PAK3: variants seen among roughly 807,000 people sequenced by gnomAD.
PAK3 encodes the protein serine/threonine-protein kinase PAK 3.
PAK3 carries 4 observed loss-of-function variants against 41.0 expected under a neutral mutation model. The observed-to-expected ratio is 0.10, with a 90% CI of 0.05 to 0.22. The LOEUF (loss-of-function observed/expected upper bound fraction) is 0.22, where lower values mean the gene tolerates loss of function less well. Ranked by LOEUF, PAK3 falls within the 10% of genes least tolerant of loss-of-function variation. The pLI is 1.00. For missense variants in PAK3, 205 were observed against 409.9 expected (o/e 0.50, Z 4.32); for synonymous variants, 146 against 139.6 (o/e 1.05, Z -0.32).
intron 1 of PAK3, among the ~76,000 whole-genome samples, chrX:110,969,510 A>G (rs1337188402): frequency 1.1e-5 from 1 of 93,183 alleles, no homozygotes; most frequent in African/African-American, 4.2e-5. Context: ...CATGTTGGCC[A>G]GGCTGGTCTC....
intron 16 of PAK3, among the ~76,000 whole-genome samples, chrX:111,206,718 C>T (rs1333584988): frequency 8.9e-6 from 1 of 112,182 alleles, no homozygotes; most frequent in Non-Finnish European, 1.9e-5. Flanking sequence ...ATTCAGCTAT[C>T]ACACTGAAGT....
chrX:111,143,151 A>G (rs1294583498), intron 6 of PAK3, among the ~76,000 whole-genome samples: 2 of 111,107 alleles, frequency 1.8e-5, no homozygotes, highest in East Asian at 5.6e-4. Context: ...AATCTTTGAT[A>G]GAGCCATCAC....
chrX:110,964,468 G>A (rs1327810311), intron 1 of PAK3, among the ~76,000 whole-genome samples: 1 of 112,156 alleles, frequency 8.9e-6, no homozygotes, highest in Non-Finnish European at 1.9e-5. Flanking sequence ...CACACTTTGA[G>A]TAGCAAGAGA....
intron 16 of PAK3, among the ~76,000 whole-genome samples, chrX:111,197,092 A>C: frequency 9.1e-6 from 1 of 110,035 alleles, no homozygotes; most frequent in Middle Eastern, 4.6e-3. Context: ...CTCCACTCTC[A>C]AGTAGGCCCC....
At chrX:111,002,138 A>G (rs2091858190) in intron 1 of PAK3, among the ~76,000 whole-genome samples, 3 of 111,786 alleles carry the variant, frequency 2.7e-5, no homozygotes, top group Middle Eastern at 9.2e-3. Context: ...TTTAGAAAGG[A>G]CAGCTACCAT....
At chrX:111,007,571 C>T (rs2091951354) in intron 1 of PAK3, among the ~76,000 whole-genome samples, 1 of 111,314 alleles carries the variant, frequency 9.0e-6, no homozygotes, top group Admixed American at 9.5e-5. Flanking sequence ...GGAGGATTCC[C>T]ATTTCATGCT....
chrX:111,124,439 C>G lies in PAK3; in HGVS notation c.175+1161C>G, dbSNP rs372226633. On this transcript the variant is annotated intron_variant, in intron 5 of 17. Transcript: ENST00000372007. Reference sequence around the variant, plus strand: ...GATGGTTTGAGGAATTTAGGGTGTACCATAATGTGGAGACCAGGTCTTATT... The same window carrying G: ...GATGGTTTGAGGAATTTAGGGTGTAGCATAATGTGGAGACCAGGTCTTATT... Among the ~76,000 whole-genome samples the G allele has an allele frequency of 1.2e-4, 13 of 111,352 alleles. No individual in the cohort carries two copies. The East Asian group carries it at 3.7e-3, about 32-fold the overall frequency.
chrX:111,017,066 A>ATG (rs113885440), intron 1 of PAK3, among the ~76,000 whole-genome samples: 1 of 110,866 alleles, frequency 9.0e-6, no homozygotes, highest in African/African-American at 3.3e-5. Context: ...AATTTATGGA[A>ATG]CACGGTGAAA....
intron 1 of PAK3, among the ~76,000 whole-genome samples, chrX:111,049,320 T>A (rs898950654): frequency 8.9e-6 from 1 of 112,377 alleles, no homozygotes; most frequent in Admixed American, 9.4e-5. Context: ...ATCTTATTTA[T>A]GTGTTTATTA....
chrX:111,112,832 A>G (rs993729150), intron 4 of PAK3, among the ~76,000 whole-genome samples: 5 of 111,377 alleles, frequency 4.5e-5, no homozygotes, highest in Admixed American at 3.8e-4. Context: ...TAGTTCTTAA[A>G]TGTAACATCG....
chrX:111,035,152 AAAGG>A (rs2092385725), intron 1 of PAK3, among the ~76,000 whole-genome samples: 5 of 27,270 alleles, frequency 1.8e-4, no homozygotes, highest in Middle Eastern at 0.042. Flanking sequence ...AGAAAGAAAG[AAAGG>A]AAGAAAGAAA....
At chrX:111,196,006 T>G (rs2094609848) in intron 15 of PAK3, 65 bp downstream of exon 15, 1 of 667,463 alleles carries the variant, frequency 1.5e-6, no homozygotes, top group African/African-American at 2.1e-5. Context: ...TTGTATATCT[T>G]AAGAAGATAA....
chrX:111,070,700 A>G lies in PAK3; in HGVS notation c.-27-52377A>G, dbSNP rs748748009. Among the ~76,000 whole-genome samples the G allele has an allele frequency of 6.2e-5, 7 of 112,176 alleles. No individual in the cohort carries two copies. The South Asian group carries it at 2.6e-3, about 42-fold the overall frequency. On this transcript the variant is annotated intron_variant, in intron 1 of 14. Coordinates refer to the PAK3 transcript ENST00000425146. ...AGTTCCCTTCTTTCAGCTGAGAACG[A>G]TATTTCTTTAATCTCCATTTTATAG...
chrX:111,086,976 CGT>C (rs775736884), intron 1 of PAK3, among the ~76,000 whole-genome samples: 6 of 111,081 alleles, frequency 5.4e-5, no homozygotes, highest in Non-Finnish European at 9.4e-5. Flanking sequence ...GCTTTAAAAA[CGT>C]GTGTTAGCGT....
In PAK3 at chrX:111,176,808, A is replaced by T. The variant is rs191276460; in HGVS notation, c.830+3727A>T. ...CAAATTGTCATAATATAAAATCAAG[A>T]TGTATTTAAGATATAATCTGCCGGC... On this transcript the variant is annotated intron_variant, in intron 11 of 17. Transcript: ENST00000372007. 1.2e-4 allele frequency among the ~76,000 whole-genome samples: 13 copies of T among 111,697 alleles called. No individual in the cohort carries two copies. In the East Asian group the frequency reaches 3.7e-3, roughly 32 times the overall value.
At chrX:110,989,951 C>T (rs2091613488) in intron 1 of PAK3, among the ~76,000 whole-genome samples, 1 of 112,392 alleles carries the variant, frequency 8.9e-6, no homozygotes, top group African/African-American at 3.2e-5. Flanking sequence ...CCTGCCTTCC[C>T]AATCTCAACT....
intron 5 of PAK3, among the ~76,000 whole-genome samples, chrX:111,127,495 T>C (rs2093663483): frequency 9.0e-6 from 1 of 111,474 alleles, no homozygotes; most frequent in Admixed American, 9.5e-5. Context: ...ATTTATTTTG[T>C]TAGTGACTGT....
chrX:111,211,274 CTT>C (rs2094816216), intron 16 of PAK3, among the ~76,000 whole-genome samples: 1 of 111,075 alleles, frequency 9.0e-6, no homozygotes, highest in East Asian at 2.8e-4. Context: ...CCTAAGGAAT[CTT>C]TACTATGTCC....
chrX:111,006,812 CCTTTCTTTCTTTCTTTCTTT>C (rs1275739344), intron 1 of PAK3, among the ~76,000 whole-genome samples: 25 of 54,990 alleles, frequency 4.5e-4, no homozygotes, highest in South Asian at 1.7e-3. Flanking sequence ...TCTGCATTTC[CCTTTCTTTCTTTCTTTCTTT>C]CTTTCTTTCT....
Sources: allele counts gnomAD v4.1 joint callset (sites outside exome capture counted in the v4.1 genomes callset), GRCh38; gene constraint gnomAD v4.1.1; transcripts MANE v1.5; gene names NCBI Gene and HGNC (gene_info 2026-07-23, HGNC 2026-07-21).